The following RBFOX1 variants were observed in gnomAD, a reference collection of about 807,000 sequenced individuals.
RBFOX1 encodes RNA binding fox-1 homolog 1.
In RBFOX1, 8 loss-of-function variants were observed where a neutral mutation model predicts 57.7. That is an observed-to-expected ratio of 0.14 (90% CI 0.08 to 0.25). RBFOX1 has a LOEUF of 0.25. Ranked by LOEUF, RBFOX1 falls within the 10% of genes least tolerant of loss-of-function variation. RBFOX1 has a pLI of 1.00. For synonymous variants in RBFOX1, 326 were observed against 222.4 expected, an observed-to-expected ratio of 1.47 and a Z score of -4.15; for missense variants, 611 against 548.5, an observed-to-expected ratio of 1.11 and a Z score of -1.14.
chr16:7,612,359 T>C (rs113526028), intron 10 of RBFOX1, among the ~76,000 whole-genome samples: 1,563 of 144,942 alleles, frequency 0.011, 24 homozygotes, highest in African/African-American at 0.038. Context: ...AGACAAATGA[T>C]TGTAAGTCCC....
chr16:5,373,651 C>G (rs1325954512), intron 1 of RBFOX1, among the ~76,000 whole-genome samples: 1 of 151,948 alleles, frequency 6.6e-6, no homozygotes, highest in Non-Finnish European at 1.5e-5. Context: ...GTCACCCAGG[C>G]TGGTGTGCGG....
intron 4 of RBFOX1, among the ~76,000 whole-genome samples, chr16:7,507,553 T>C (rs530835316): frequency 4.1e-5 from 4 of 98,300 alleles, no homozygotes; most frequent in South Asian, 3.8e-4. Flanking sequence ...GTGATTTTTT[T>C]TTTCTTTCTT....
chr16:6,036,591 G>A (rs192250321), intron 1 of RBFOX1, among the ~76,000 whole-genome samples: 1 of 137,044 alleles, frequency 7.3e-6, no homozygotes, highest in African/African-American at 2.7e-5. Context: ...AAGGCCCTGG[G>A]TCAGACAGTG....
At chr16:5,914,998 C>G (rs2058675668) in intron 4 of RBFOX1, among the ~76,000 whole-genome samples, 1 of 152,210 alleles carries the variant, frequency 6.6e-6, no homozygotes, top group Non-Finnish European at 1.5e-5. Flanking sequence ...GATGTGCCAT[C>G]ACTTTTGCTC....
At chr16:6,714,400 C>A (rs934188291) in intron 3 of RBFOX1, among the ~76,000 whole-genome samples, 1 of 152,072 alleles carries the variant, frequency 6.6e-6, no homozygotes, top group Non-Finnish European at 1.5e-5. Flanking sequence ...AGGCCACCTG[C>A]AGAATTTATT....
intron 1 of RBFOX1, chr16:5,270,721 G>A (rs1008712978): frequency 5.0e-4 from 245 of 493,150 alleles, no homozygotes; most frequent in Non-Finnish European, 3.5e-4. Context: ...CTTGAAAGAA[G>A]TGGTCAATAA....
chr16:6,859,560 C>G (rs180804321), intron 3 of RBFOX1, among the ~76,000 whole-genome samples: 8 of 152,050 alleles, frequency 5.3e-5, no homozygotes, highest in East Asian at 1.9e-4. Context: ...CTGTGGAAAT[C>G]TGAATTTAGA....
rs148915997 is a variant in RBFOX1, at chr16:7,409,591, A to G, written c.28-108556A>G. Among the ~76,000 whole-genome samples the G allele has an allele frequency of 3.5e-3, 532 of 152,322 alleles. 6 individuals are homozygous for G. The highest frequency in any genetic ancestry group is 0.012 in the African/African-American group (503 of 41,576). ...TGCATTGAATATGTATGTGTGCGTA[A>G]TACATATTACGTTCGTTTGGATGGT... On this transcript the variant is annotated intron_variant, in intron 4 of 15. Transcript: ENST00000550418.
intron 4 of RBFOX1, among the ~76,000 whole-genome samples, chr16:5,985,400 T>C (rs979629747): frequency 1.3e-5 from 2 of 152,126 alleles, no homozygotes; most frequent in African/African-American, 2.4e-5. Context: ...CTCTCCACAG[T>C]CCTGTAAGGT....
chr16:7,632,974 A>C (rs919963760), intron 11 of RBFOX1, among the ~76,000 whole-genome samples: 1 of 152,246 alleles, frequency 6.6e-6, no homozygotes, highest in Non-Finnish European at 1.5e-5. Context: ...CTCTCACATC[A>C]CATGAAAATA....
intron 2 of RBFOX1, among the ~76,000 whole-genome samples, chr16:6,371,325 C>T (rs897036910): frequency 6.6e-6 from 1 of 152,162 alleles, no homozygotes; most frequent in Non-Finnish European, 1.5e-5. Context: ...AACCCCATTG[C>T]ACTTATATGT....
chr16:6,464,209 A>G (rs1386569027), intron 2 of RBFOX1, among the ~76,000 whole-genome samples: 1 of 152,216 alleles, frequency 6.6e-6, no homozygotes. Context: ...TGAATTGGCA[A>G]AGATTAACAA....
Position 6,422,870 on chromosome 16 carries a change from T to C in RBFOX1, c.-64+105813T>C, listed in dbSNP as rs142036527. Among the ~76,000 whole-genome samples the C allele has an allele frequency of 3.6e-3, 541 of 152,262 alleles. 2 individuals are homozygous for C. The highest frequency in any genetic ancestry group is 0.01 in the Middle Eastern group (3 of 294). On this transcript the variant is annotated intron_variant, in intron 2 of 15. Coordinates refer to ENST00000550418, the MANE Select transcript of RBFOX1 (RefSeq NM_018723.4). ...TTGGCAAGGACAGAGATCCAAACCA[T>C]GTCAAATGCTTAGCTCCTACTTACA...
intron 4 of RBFOX1, among the ~76,000 whole-genome samples, chr16:7,291,263 G>C (rs983016859): frequency 3.3e-5 from 5 of 152,172 alleles, no homozygotes; most frequent in African/African-American, 1.2e-4. Flanking sequence ...CCTTTGAACA[G>C]AAGACAGACA....
At chr16:5,354,675 C>A (rs1299010380) in intron 1 of RBFOX1, among the ~76,000 whole-genome samples, 1 of 152,240 alleles carries the variant, frequency 6.6e-6, no homozygotes, top group Non-Finnish European at 1.5e-5. Flanking sequence ...TTGTGTAGGG[C>A]AGCTCTTTTC....
intron 3 of RBFOX1, among the ~76,000 whole-genome samples, chr16:6,860,776 C>G (rs773360963): frequency 3.9e-5 from 6 of 152,026 alleles, no homozygotes; most frequent in Non-Finnish European, 7.4e-5. Flanking sequence ...TGAACAACAA[C>G]AAAAAGTAAT....
At chr16:7,045,072 G>A (rs2047442817) in intron 3 of RBFOX1, among the ~76,000 whole-genome samples, 1 of 152,138 alleles carries the variant, frequency 6.6e-6, no homozygotes, top group South Asian at 2.1e-4. Context: ...AAGATGTGAG[G>A]AAAGCATGGA....
At chr16:7,617,535 G>A (rs564098355) in intron 10 of RBFOX1, among the ~76,000 whole-genome samples, 1 of 152,182 alleles carries the variant, frequency 6.6e-6, no homozygotes, top group African/African-American at 2.4e-5. Context: ...AAATTGCACA[G>A]CTTTAGCGGT....
chr16:6,930,389 C>G (rs1016396198), intron 3 of RBFOX1, among the ~76,000 whole-genome samples: 6 of 152,074 alleles, frequency 3.9e-5, no homozygotes, highest in African/African-American at 1.4e-4. Context: ...CCACCTCACA[C>G]CCATCAGGAT....
Sources: allele counts gnomAD v4.1 joint callset (sites outside exome capture counted in the v4.1 genomes callset), GRCh38; gene constraint gnomAD v4.1.1; transcripts MANE v1.5; gene names NCBI Gene and HGNC (gene_info 2026-07-23, HGNC 2026-07-21).